The following CPXM2 variants were observed in gnomAD, a reference collection of about 807,000 sequenced individuals.
CPXM2 encodes the protein inactive carboxypeptidase-like protein X2.
Under a neutral mutation model 86.1 loss-of-function variants are expected in CPXM2, and 66 were observed. The ratio of observed to expected loss-of-function variants is 0.77; its 90% confidence interval spans 0.63 to 0.94. The LOEUF is 0.94. Ranked by LOEUF, CPXM2 falls within the 40% of genes least tolerant of loss-of-function variation. The pLI, the probability that CPXM2 is intolerant of heterozygous loss-of-function variation, is 0.00. For synonymous variants in CPXM2, 388 were observed against 400.2 expected (o/e 0.97, Z 0.36); for missense variants, 948 against 1,026.3 (o/e 0.92, Z 1.04).
At position 123,781,833 on chromosome 10, in the gene CPXM2, A is replaced by G. The variant is rs1249398329; in HGVS notation, c.890-1578T>C. On this transcript the variant is annotated intron_variant, in intron 6 of 13. Transcript: ENST00000241305. Reference sequence around the variant, plus strand: ...CTCACACATGTTACACACATCTGCCATCAACTGAGCCAGCCCTGTGCCTGC... The same window carrying G: ...CTCACACATGTTACACACATCTGCCGTCAACTGAGCCAGCCCTGTGCCTGC... 2.6e-5 allele frequency among the ~76,000 whole-genome samples: 4 copies of G among 152,326 alleles called. No individual in the cohort carries two copies. The East Asian group carries it at 7.7e-4, about 29-fold the overall frequency.
At chr10:123,791,536 G>A (rs558000801) in intron 6 of CPXM2, among the ~76,000 whole-genome samples, 40 of 152,238 alleles carry the variant, frequency 2.6e-4, no homozygotes, top group African/African-American at 9.4e-4. Flanking sequence ...CCCTTGGCTT[G>A]TAGCCACATC....
intron 7 of CPXM2, among the ~76,000 whole-genome samples, chr10:123,778,835 G>GGGATGA (rs1846866502): frequency 2.0e-5 from 3 of 152,194 alleles, no homozygotes; most frequent in African/African-American, 7.2e-5. Flanking sequence ...TAGAGCAGCA[G>GGGATGA]GGATGATTCA....
chr10:123,932,682 G>T (rs1222872770), intron 2 of CPXM2, among the ~76,000 whole-genome samples: 1 of 152,198 alleles, frequency 6.6e-6, no homozygotes, highest in Non-Finnish European at 1.5e-5. Flanking sequence ...TGTGTACAAG[G>T]TGAATCAATT....
At chr10:123,934,400 G>A (rs1463682605) in intron 2 of CPXM2, among the ~76,000 whole-genome samples, 1 of 151,630 alleles carries the variant, frequency 6.6e-6, no homozygotes. Flanking sequence ...TCCTTGGCTT[G>A]TGGGTGCATC....
intron 1 of CPXM2, among the ~76,000 whole-genome samples, chr10:123,884,250 A>C (rs1281466381): frequency 6.6e-6 from 1 of 152,192 alleles, no homozygotes; most frequent in Non-Finnish European, 1.5e-5. Flanking sequence ...AAAATGACCA[A>C]AGAGGTTCTC....
chr10:123,822,586 G>A (rs1847951217), intron 4 of CPXM2, among the ~76,000 whole-genome samples: 3 of 152,118 alleles, frequency 2.0e-5, no homozygotes, highest in Non-Finnish European at 4.4e-5. Context: ...CTCGGGAGGT[G>A]ATATTTGAGC....
At chr10:123,887,705 AACACAC>A (rs146619631) in intron 1 of CPXM2, among the ~76,000 whole-genome samples, 1 of 151,230 alleles carries the variant, frequency 6.6e-6, no homozygotes, top group Non-Finnish European at 1.5e-5. Flanking sequence ...ACGTACACAC[AACACAC>A]ACACACACAT....
chr10:123,889,090 C>T (rs1305369029), intron 1 of CPXM2, among the ~76,000 whole-genome samples: 1 of 152,182 alleles, frequency 6.6e-6, no homozygotes, highest in East Asian at 1.9e-4. Flanking sequence ...TCCAGAGACC[C>T]CATTCCAAGA....
In CPXM2 at chr10:123,749,039, T is replaced by C. The variant is rs141064150; in HGVS notation, c.2018-2022A>G. Among the ~76,000 whole-genome samples, 168 of 152,246 alleles carry C rather than the reference T, an allele frequency of 1.1e-3. 1 individual carries two copies. Among genetic ancestry groups the C allele is most frequent in the African/African-American group, 3.3e-3 (139 of 41,518 alleles). On this transcript the variant is annotated intron_variant, in intron 13 of 13. Transcript: ENST00000241305. ...ACTGAACGCCGAACAGGTCTGAACA[T>C]TGGTTTATCTGAATGGGCTGGAGAG... is the stretch of plus-strand genomic sequence containing the variant.
intron 2 of CPXM2, among the ~76,000 whole-genome samples, chr10:123,936,575 G>C (rs1945722734): frequency 6.6e-6 from 1 of 152,118 alleles, no homozygotes; most frequent in African/African-American, 2.4e-5. Flanking sequence ...CCAAACCAAA[G>C]GAAAATGCAA....
At chr10:123,913,116 G>A (rs1191331987) in intron 2 of CPXM2, among the ~76,000 whole-genome samples, 1 of 152,206 alleles carries the variant, frequency 6.6e-6, no homozygotes, top group Non-Finnish European at 1.5e-5. Context: ...AATGAGTGTG[G>A]AGTTTGGCAG....
At chr10:123,857,455 T>A (rs1196561138) in intron 3 of CPXM2, among the ~76,000 whole-genome samples, 1 of 151,978 alleles carries the variant, frequency 6.6e-6, no homozygotes, top group Middle Eastern at 3.2e-3. Context: ...GGAGACACGT[T>A]GAGTTGCTCA....
chr10:123,921,078 G>T (rs1038970985), intron 2 of CPXM2, among the ~76,000 whole-genome samples: 1 of 152,248 alleles, frequency 6.6e-6, no homozygotes, highest in East Asian at 1.9e-4. Context: ...TTAAAAAAAA[G>T]TTACTTCTGA....
intron 4 of CPXM2, among the ~76,000 whole-genome samples, chr10:123,822,079 T>C (rs1056026260): frequency 2.0e-5 from 3 of 152,270 alleles, no homozygotes; most frequent in Middle Eastern, 3.4e-3. Flanking sequence ...GTGTGACCAA[T>C]GAAAAAGGTA....
chr10:123,935,723 A>G (rs1945709685), intron 2 of CPXM2, among the ~76,000 whole-genome samples: 1 of 152,116 alleles, frequency 6.6e-6, no homozygotes, highest in Admixed American at 6.6e-5. Context: ...GTAAAGATCC[A>G]GCCAGAAATA....
At chr10:123,855,053 A>G (rs1048270033) in intron 3 of CPXM2, among the ~76,000 whole-genome samples, 28 of 151,806 alleles carry the variant, frequency 1.8e-4, no homozygotes, top group African/African-American at 6.3e-4. Context: ...TAAGAACAGC[A>G]TATTACCATC....
At chr10:123,763,690 A>G (rs747656221) in intron 10 of CPXM2, among the ~76,000 whole-genome samples, 3 of 152,022 alleles carry the variant, frequency 2.0e-5, no homozygotes, top group African/African-American at 4.8e-5. Flanking sequence ...TTTCACTTCA[A>G]TATGGCGATC....
chr10:123,827,859 G>A (rs540227923), intron 4 of CPXM2, among the ~76,000 whole-genome samples: 4 of 152,224 alleles, frequency 2.6e-5, no homozygotes, highest in Non-Finnish European at 5.9e-5. Context: ...GGGTTCTGTG[G>A]AACAGAACAG....
intron 6 of CPXM2, among the ~76,000 whole-genome samples, chr10:123,789,207 G>A (rs538957165): frequency 9.2e-5 from 14 of 152,254 alleles, no homozygotes; most frequent in African/African-American, 2.2e-4. Context: ...CAGGAGCTGC[G>A]GACCCCCAGG....
Sources: gnomAD v4.1 joint callset for allele counts (sites outside exome capture counted in the v4.1 genomes callset) on GRCh38, gnomAD v4.1.1 for gene constraint, MANE v1.5 for transcripts, NCBI Gene and HGNC (gene_info 2026-07-23, HGNC 2026-07-21) for gene names.